Variants in LASP1 observed in about 807,000 individuals in gnomAD.
LASP1 encodes the protein LIM and SH3 domain protein 1.
LASP1 carries 10 observed loss-of-function variants against 38.6 expected under a neutral mutation model. The ratio of observed to expected loss-of-function variants is 0.26; its 90% CI spans 0.16 to 0.44. The LOEUF (loss-of-function observed/expected upper bound fraction) is 0.44, where lower values mean the gene tolerates loss of function less well. Among genes scored for constraint, LASP1 ranks in the 20% least tolerant of loss-of-function variants. LASP1 has a pLI of 1.00. For synonymous variants in LASP1, 132 were observed against 140.8 expected (o/e 0.94, Z 0.44); for missense variants, 243 against 375.7 (o/e 0.65, Z 2.92).
In LASP1 at chr17:38,919,313, C is replaced by A. The variant is rs1239734133; in HGVS notation, c.*535C>A. On this transcript the variant is annotated 3_prime_UTR_variant, in exon 7 of 7. Coordinates refer to ENST00000318008, the MANE Select transcript of LASP1 (RefSeq NM_006148.4). ...AGAGGGGGCTCTGCCCACCTGGGGT[C>A]TCTCTCCCTACCTCCCTCCTCAGGG... is the stretch of plus-strand genomic sequence containing the variant. 2 of 241,108 alleles carry A rather than the reference C, an allele frequency of 8.3e-6. No homozygotes were observed. Among genetic ancestry groups the A allele is most frequent in the East Asian group, 1.2e-4 (2 of 16,780 alleles). 14.9% of individuals were successfully genotyped at this position (241,108 alleles called of 1,614,324 possible). A position where few individuals can be genotyped will look rare whatever the true frequency, so the allele number is the denominator to read the frequency against.
intron 4 of LASP1, among the ~76,000 whole-genome samples, chr17:38,901,884 G>A (rs1233396271): frequency 1.3e-5 from 2 of 152,020 alleles, no homozygotes; most frequent in Non-Finnish European, 2.9e-5. Flanking sequence ...TGCTGCCTCA[G>A]CCTCGTGAGT....
intron 2 of LASP1, among the ~76,000 whole-genome samples, chr17:38,889,898 G>C (rs1914255156): frequency 6.6e-6 from 1 of 152,182 alleles, no homozygotes; most frequent in Non-Finnish European, 1.5e-5. Flanking sequence ...CTTTAACCGT[G>C]TGTTTTCTCT....
chr17:38,876,949 C>T (rs954573424), intron 1 of LASP1, among the ~76,000 whole-genome samples: 2 of 151,736 alleles, frequency 1.3e-5, no homozygotes, highest in Admixed American at 6.6e-5. Flanking sequence ...ATGATCCGCC[C>T]GCCTCGGCCT....
At chr17:38,896,958 T>G (rs962264086) in intron 3 of LASP1, 2 of 985,338 alleles carry the variant, frequency 2.0e-6, no homozygotes, top group African/African-American at 3.5e-5. Flanking sequence ...TGGAGCTACA[T>G]TTCTCTGCCT....
chr17:38,903,533 T>C (rs1914699820), intron 4 of LASP1, among the ~76,000 whole-genome samples: 1 of 151,652 alleles, frequency 6.6e-6, no homozygotes, highest in African/African-American at 2.4e-5. Flanking sequence ...CTAATTGTTA[T>C]TTTTTTTGTA....
At chr17:38,895,560 C>T (rs956604667) in intron 3 of LASP1, among the ~76,000 whole-genome samples, 11 of 152,128 alleles carry the variant, frequency 7.2e-5, no homozygotes, top group African/African-American at 2.7e-4. Flanking sequence ...AGGTGATCCA[C>T]CCACCTCTGC....
chr17:38,876,812 C>G (rs2143730801), intron 1 of LASP1, among the ~76,000 whole-genome samples: 1 of 151,718 alleles, frequency 6.6e-6, no homozygotes, highest in Non-Finnish European at 1.5e-5. Flanking sequence ...ACGCCATTCT[C>G]CTGCCTCAGC....
At chr17:38,887,837 C>T (rs1217710816) in intron 2 of LASP1, among the ~76,000 whole-genome samples, 3 of 152,186 alleles carry the variant, frequency 2.0e-5, no homozygotes, top group African/African-American at 4.8e-5. Context: ...CAGGGGAAGT[C>T]GCCTGTTTAC....
intron 4 of LASP1, among the ~76,000 whole-genome samples, chr17:38,908,369 G>T (rs766534294): frequency 3.2e-4 from 49 of 152,350 alleles, no homozygotes; most frequent in South Asian, 6.2e-4. Flanking sequence ...GCCTCAGGAG[G>T]GGTGTCCCCT....
chr17:38,910,060 C>G (rs1045973026), intron 4 of LASP1, among the ~76,000 whole-genome samples: 4 of 152,178 alleles, frequency 2.6e-5, no homozygotes, highest in African/African-American at 2.4e-5. Context: ...CTCATACTTT[C>G]ACAATTCATT....
intron 2 of LASP1, among the ~76,000 whole-genome samples, chr17:38,880,315 A>G (rs1913905976): frequency 6.6e-6 from 1 of 152,228 alleles, no homozygotes; most frequent in African/African-American, 2.4e-5. Flanking sequence ...TATCAGCCTC[A>G]TCCAAAGTTC....
At chr17:38,878,968 A>C (rs72819769) in intron 2 of LASP1, among the ~76,000 whole-genome samples, 1,718 of 150,422 alleles carry the variant, frequency 0.011, 11 homozygotes, top group South Asian at 0.027. Context: ...CTCCCCTCCC[A>C]TCCCATCCCA....
In LASP1 at chr17:38,918,546, T is replaced by A; in HGVS notation, c.613-59T>A. ...AGGGTCGTGGAGAGTTAGAAAAAAA[T>A]GCTCAGACCCAGGTGAGCCGGCATG... On this transcript the variant is annotated intron_variant, in intron 6 of 6. Transcript: ENST00000318008. The surrounding 1 kb of genome is among the most constrained non-coding windows in gnomAD (Gnocchi z 4.4). 6.6e-7 allele frequency: 1 copy of A among 1,506,128 alleles called. No homozygotes were observed. The highest frequency in any genetic ancestry group is 8.9e-7 in the Non-Finnish European group (1 of 1,120,722). 93.3% of individuals were successfully genotyped at this position (1,506,128 alleles called of 1,614,324 possible).
chr17:38,914,234 A>T, intron 4 of LASP1, 91 bp from the exon 5 acceptor site: 1 of 1,447,808 alleles, frequency 6.9e-7, no homozygotes, highest in Non-Finnish European at 9.4e-7. Context: ...GCTCTTGGGT[A>T]GTCTCTCCCA....
chr17:38,914,436 GAGCAGCAGC>G lies in LASP1; in HGVS notation c.473_481del (p.Gln158_Gln160del), dbSNP rs763459202. 4 of 1,611,066 alleles carry G rather than the reference GAGCAGCAGC, an allele frequency of 2.5e-6. No homozygotes were observed. The highest frequency in any genetic ancestry group is 3.4e-6 in the Non-Finnish European group (4 of 1,179,628). The stretch of plus-strand genomic sequence containing the variant: ...CGGCAGCAGCTACCGGCGGCCCCTG[GAGCAGCAGC>G]AGCCTCACCACATCCCGACCAGTGC... On this transcript the variant is annotated inframe_deletion, in exon 5 of 7. Transcript: ENST00000318008.
chr17:38,880,447 C>G (rs1040934319), intron 2 of LASP1, among the ~76,000 whole-genome samples: 4 of 152,250 alleles, frequency 2.6e-5, no homozygotes, highest in Admixed American at 6.5e-5. Context: ...ATGCTTCCAA[C>G]TTGCAGAGGC....
rs1258901958 is a variant in LASP1 at position 38,920,821 on chromosome 17, G to C, written c.*2043G>C. The stretch of plus-strand genomic sequence containing the variant: ...AGGCAGAGAATCTCTTGGGAGTCTT[G>C]GGTGGCGCTGGTGCATTCTGTTTCC... On this transcript the variant is annotated 3_prime_UTR_variant, in exon 7 of 7. Transcript: ENST00000318008. 4 of 232,766 alleles carry C rather than the reference G, an allele frequency of 1.7e-5. No individual in the cohort carries two copies. The highest frequency in any genetic ancestry group is 8.8e-5 in the African/African-American group (4 of 45,264). 14.4% of individuals were successfully genotyped at this position (232,766 alleles called of 1,614,324 possible). A position where few individuals can be genotyped will look rare whatever the true frequency, so the allele number is the denominator to read the frequency against.
At chr17:38,904,974 G>T (rs973077677) in intron 4 of LASP1, among the ~76,000 whole-genome samples, 7 of 152,128 alleles carry the variant, frequency 4.6e-5, no homozygotes, top group Non-Finnish European at 1.0e-4. Context: ...CTATAGTTTT[G>T]CTTTTCCTGA....
chr17:38,896,919 A>G (rs1311040978), intron 3 of LASP1: 8 of 985,228 alleles, frequency 8.1e-6, no homozygotes, highest in Non-Finnish European at 9.6e-6. Context: ...AACCGAGGCC[A>G]GGGGCTTGAG....
Sources: allele counts gnomAD v4.1 joint callset (sites outside exome capture counted in the v4.1 genomes callset), GRCh38; gene constraint gnomAD v4.1.1; non-coding constraint Gnocchi (gnomAD v3.1); transcripts MANE v1.5; gene names NCBI Gene and HGNC (gene_info 2026-07-23, HGNC 2026-07-21).